Variants in DGKI observed in about 807,000 individuals in gnomAD.
DGKI encodes DAG kinase iota.
A neutral mutation model predicts 147.5 loss-of-function variants in DGKI; 55 were observed. That is an observed-to-expected ratio of 0.37 (90% CI 0.30 to 0.47). The LOEUF (loss-of-function observed/expected upper bound fraction) is 0.47, where lower values mean the gene tolerates loss of function less well. Ranked by LOEUF, DGKI falls within the 20% of genes least tolerant of loss-of-function variation. DGKI has a pLI of 1.00. For synonymous variants in DGKI, 469 were observed against 477.1 expected, an observed-to-expected ratio of 0.98 and a Z score of 0.22; for missense variants, 1,007 against 1,323.8, an observed-to-expected ratio of 0.76 and a Z score of 3.71.
Position 137,678,588 on chromosome 7 carries a change from AG to A in DGKI, c.574del (p.Gly193GlufsTer33). The A allele has an allele frequency of 6.2e-7, 1 of 1,614,140 alleles. No homozygotes were observed. Among genetic ancestry groups the A allele is most frequent in the Non-Finnish European group, 8.5e-7 (1 of 1,180,004 alleles). On this transcript the variant is annotated frameshift_variant, in exon 3 of 33. Coordinates refer to ENST00000614521, the MANE Select transcript of DGKI (RefSeq NM_001321708.2). LOFTEE classifies it high-confidence loss of function. ...ETNVSGDLCY[L>X]GEENCQVRFA... ...TCTGACTTGGCAGTTCTCCTCTCCA[AG>A]GTAGCAGAGGTCTCCCGAGACGTTG...
At chr7:137,745,075 C>T (rs1471305077) in intron 1 of DGKI, among the ~76,000 whole-genome samples, 2 of 152,100 alleles carry the variant, frequency 1.3e-5, no homozygotes, top group African/African-American at 4.8e-5. Context: ...CAAATCTATA[C>T]ACGTGCCCCC....
intron 21 of DGKI, among the ~76,000 whole-genome samples, chr7:137,517,329 AAGAAAGAAAGAG>A (rs1448269101): frequency 7.3e-6 from 1 of 137,318 alleles, no homozygotes; most frequent in Non-Finnish European, 1.6e-5. Context: ...GAAAGAAAGA[AAGAAAGAAAGAG>A]AAAGAAAGAA....
Position 137,691,791 on chromosome 7 carries a change from C to T in DGKI, c.402-1789G>A, listed in dbSNP as rs1034466933. On this transcript the variant is annotated intron_variant, in intron 1 of 32. Transcript: ENST00000614521. ...TCAGAGAGCTCAGCAAGTGTCTAGA[C>T]CTTTGGGTTTTTTTTTTTTTTTTTT... 7.0e-5 allele frequency among the ~76,000 whole-genome samples: 6 copies of T among 85,210 alleles called. 1 individual carries two copies. Among genetic ancestry groups the T allele is most frequent in the Non-Finnish European group, 9.2e-5 (4 of 43,456 alleles). The allele number at this position is 85,210 out of a possible 152,430, so 55.9% of individuals were successfully genotyped here. A position where few individuals can be genotyped will look rare whatever the true frequency, so the allele number is the denominator to read the frequency against.
At chr7:137,462,977 C>T (rs1814507836) in intron 27 of DGKI, among the ~76,000 whole-genome samples, 1 of 152,196 alleles carries the variant, frequency 6.6e-6, no homozygotes, top group Non-Finnish European at 1.5e-5. Context: ...ACTGCTTACC[C>T]ACAGAGACTG....
Position 137,789,770 on chromosome 7 carries a change from T to C in DGKI, c.401+56692A>G, listed in dbSNP as rs910107497. Among the ~76,000 whole-genome samples the C allele has an allele frequency of 5.9e-5, 9 of 152,294 alleles. 1 individual carries two copies. Among genetic ancestry groups the C allele is most frequent in the Admixed American group, 5.2e-4 (8 of 15,290 alleles). On this transcript the variant is annotated intron_variant, in intron 1 of 32. Transcript: ENST00000614521. ...ACACAAGCAACATTCCTATCAGAAA[T>C]TCTCCAACCTTATTCTAAGGAGTTA...
At position 137,468,930 on chromosome 7, in the gene DGKI, T is replaced by G. The variant is rs139009553; in HGVS notation, c.2443+620A>C. ...ATTCGGTAGTATGTAAGCATGAATA[T>G]ACAGAGGTGAGAAGGTACTGCAATA... On this transcript the variant is annotated intron_variant, in intron 24 of 32. Transcript: ENST00000614521. Among the ~76,000 whole-genome samples the G allele has an allele frequency of 3.3e-5, 5 of 152,298 alleles. No homozygotes were observed. The South Asian group carries it at 6.2e-4, about 19-fold the overall frequency.
chr7:137,649,646 C>T (rs1306012586), intron 5 of DGKI, among the ~76,000 whole-genome samples: 1 of 151,772 alleles, frequency 6.6e-6, no homozygotes. Flanking sequence ...AAATTGGGTT[C>T]GGTAAATACT....
chr7:137,621,309 C>T (rs1427459364), intron 7 of DGKI, among the ~76,000 whole-genome samples: 1 of 152,064 alleles, frequency 6.6e-6, no homozygotes, highest in Non-Finnish European at 1.5e-5. Context: ...AATGTATGAC[C>T]ACTGCATTTC....
chr7:137,832,972 C>A (rs1318873441), intron 1 of DGKI, among the ~76,000 whole-genome samples: 1 of 152,190 alleles, frequency 6.6e-6, no homozygotes, highest in African/African-American at 2.4e-5. Context: ...TAGCAAGAGT[C>A]ACCTTTGCTC....
chr7:137,452,966 A>T (rs1814032401), intron 27 of DGKI: 1 of 152,216 alleles, frequency 6.6e-6, no homozygotes, highest in South Asian at 2.1e-4. Context: ...TTGAGCCATG[A>T]TGCTTGTCCT....
At chr7:137,732,590 A>G (rs1369696023) in intron 1 of DGKI, among the ~76,000 whole-genome samples, 3 of 152,040 alleles carry the variant, frequency 2.0e-5, no homozygotes, top group African/African-American at 7.2e-5. Flanking sequence ...TGAATGGTGC[A>G]GACTGTGATA....
intron 20 of DGKI, among the ~76,000 whole-genome samples, chr7:137,544,167 A>G (rs771639133): frequency 6.6e-5 from 10 of 152,172 alleles, no homozygotes; most frequent in Non-Finnish European, 1.5e-4. Context: ...AAACAGTCCA[A>G]TTTAAGATAC....
intron 29 of DGKI, among the ~76,000 whole-genome samples, chr7:137,410,180 C>A (rs770512815): frequency 6.6e-6 from 1 of 152,092 alleles, no homozygotes; most frequent in Non-Finnish European, 1.5e-5. Context: ...CCAAGGCAAG[C>A]GGATCACAAG....
At chr7:137,599,637 G>C (rs747663306) in intron 11 of DGKI, among the ~76,000 whole-genome samples, 186 bp downstream of exon 11, 1 of 152,166 alleles carries the variant, frequency 6.6e-6, no homozygotes, top group Non-Finnish European at 1.5e-5. Flanking sequence ...GATATGTTTC[G>C]AAGGGAACTA....
chr7:137,588,475 C>CTTT (rs71533759), intron 12 of DGKI, among the ~76,000 whole-genome samples: 10 of 116,714 alleles, frequency 8.6e-5, no homozygotes, highest in Non-Finnish European at 1.4e-4. Context: ...CATACCGATG[C>CTTT]TTTTTTTTTT....
At chr7:137,707,844 C>T (rs1391266615) in intron 1 of DGKI, among the ~76,000 whole-genome samples, 1 of 152,180 alleles carries the variant, frequency 6.6e-6, no homozygotes, top group Non-Finnish European at 1.5e-5. Flanking sequence ...ACCATCCTGA[C>T]CAAGATCTTG....
chr7:137,397,872 A>G (rs1173606022), intron 30 of DGKI, among the ~76,000 whole-genome samples: 1 of 152,166 alleles, frequency 6.6e-6, no homozygotes, highest in East Asian at 1.9e-4. Flanking sequence ...TTTTTATAAA[A>G]TTTCCCTTCT....
intron 22 of DGKI, among the ~76,000 whole-genome samples, chr7:137,485,832 G>A (rs1374288739): frequency 6.6e-6 from 1 of 152,056 alleles, no homozygotes; most frequent in Non-Finnish European, 1.5e-5. Flanking sequence ...CTTTACCTCA[G>A]ACCAGATACA....
At chr7:137,613,062 T>C (rs996266968) in intron 8 of DGKI, among the ~76,000 whole-genome samples, 10 of 152,200 alleles carry the variant, frequency 6.6e-5, no homozygotes, top group African/African-American at 2.4e-4. Flanking sequence ...TGCTGGGCTA[T>C]TAAGAAATAG....
Sources: gnomAD v4.1 joint callset for allele counts (sites outside exome capture counted in the v4.1 genomes callset) on GRCh38, gnomAD v4.1.1 for gene constraint, MANE v1.5 for transcripts, NCBI Gene and HGNC (gene_info 2026-07-23, HGNC 2026-07-21) for gene names.